Variants in TAFA5 observed in about 807,000 individuals in gnomAD.
TAFA5 encodes the protein TAFA chemokine like family member 5.
In TAFA5, 6 loss-of-function variants were observed where a neutral mutation model predicts 15.3. The observed-to-expected ratio is 0.39, with a 90% CI of 0.21 to 0.77. TAFA5 has a LOEUF of 0.77. Among genes scored for constraint, TAFA5 ranks in the 30% least tolerant of loss-of-function variants. TAFA5 has a pLI of 0.41. For synonymous variants in TAFA5, 103 were observed against 80.7 expected, an observed-to-expected ratio of 1.28 and a Z score of -1.48; for missense variants, 161 against 193.1, an observed-to-expected ratio of 0.83 and a Z score of 0.98.
chr22:48,535,469 G>T (rs1024803317), intron 1 of TAFA5, among the ~76,000 whole-genome samples: 1 of 152,276 alleles, frequency 6.6e-6, no homozygotes, highest in Non-Finnish European at 1.5e-5. Flanking sequence ...GTTGCTATAC[G>T]CATATGTGTA....
intron 3 of TAFA5, among the ~76,000 whole-genome samples, chr22:48,736,763 A>C (rs2147270788): frequency 6.6e-6 from 1 of 152,302 alleles, no homozygotes; most frequent in African/African-American, 2.4e-5. Context: ...GAGCCCAGTG[A>C]TGTGAAACTT....
At chr22:48,725,225 CTG>C (rs1929681859) in intron 3 of TAFA5, among the ~76,000 whole-genome samples, 1 of 152,250 alleles carries the variant, frequency 6.6e-6, no homozygotes, top group African/African-American at 2.4e-5. Flanking sequence ...CAGAGCGAGA[CTG>C]GAGACGAGCT....
At chr22:48,576,407 C>T (rs1310115383) in intron 1 of TAFA5, 34 of 1,246,036 alleles carry the variant, frequency 2.7e-5, no homozygotes, top group Admixed American at 4.1e-5. Flanking sequence ...AGGCTGCACC[C>T]GGCGGGGCGC....
intron 1 of TAFA5, among the ~76,000 whole-genome samples, chr22:48,500,109 G>A (rs948467629): frequency 2.6e-5 from 4 of 152,078 alleles, no homozygotes; most frequent in African/African-American, 9.7e-5. Flanking sequence ...CAGTTTTCCA[G>A]CCCGAAATTG....
intron 1 of TAFA5, among the ~76,000 whole-genome samples, chr22:48,516,772 G>A (rs761640504): frequency 4.6e-5 from 7 of 152,162 alleles, no homozygotes; most frequent in African/African-American, 7.2e-5. Flanking sequence ...GTTGGTGGCC[G>A]CAGCCCCCAG....
chr22:48,704,341 G>A (rs1437162903), intron 2 of TAFA5, among the ~76,000 whole-genome samples: 2 of 152,138 alleles, frequency 1.3e-5, no homozygotes, highest in Non-Finnish European at 2.9e-5. Context: ...GTGTTTGTGG[G>A]TGTCTGAGAT....
At chr22:48,707,596 G>T in intron 2 of TAFA5, 121 bp from the exon 3 acceptor site, 5 of 1,237,342 alleles carry the variant, frequency 4.0e-6, no homozygotes, top group Non-Finnish European at 4.5e-6. Context: ...TCCCTGGGTG[G>T]AGCCACGCCG....
At chr22:48,546,551 G>A (rs920391726) in intron 1 of TAFA5, 3 of 471,064 alleles carry the variant, frequency 6.4e-6, no homozygotes, top group African/African-American at 4.0e-5. Context: ...GAGAGATACG[G>A]ATGATGTGGA....
At chr22:48,708,775 C>A (rs541119184) in intron 3 of TAFA5, among the ~76,000 whole-genome samples, 1 of 152,330 alleles carries the variant, frequency 6.6e-6, no homozygotes, top group Non-Finnish European at 1.5e-5. Flanking sequence ...ATCTGGAAAG[C>A]CCCCTGGCAT....
intron 1 of TAFA5, among the ~76,000 whole-genome samples, chr22:48,542,151 G>A (rs1922411864): frequency 6.9e-6 from 1 of 144,490 alleles, no homozygotes; most frequent in African/African-American, 2.7e-5. Context: ...GTGTGTGTGG[G>A]TGTGGGGGGT....
chr22:48,490,277 C>T lies in TAFA5; in HGVS notation c.112+573C>T, dbSNP rs1195510756. Among the ~76,000 whole-genome samples the T allele has an allele frequency of 6.6e-6, 1 of 152,002 alleles. No individual in the cohort carries two copies. Among genetic ancestry groups the T allele is most frequent in the Admixed American group, 6.5e-5 (1 of 15,274 alleles). On this transcript the variant is annotated intron_variant, in intron 1 of 3. Transcript: ENST00000402357. This position sits in a 1 kb window ranked among gnomAD's most constrained non-coding sequence, Gnocchi z 5.8. ...AGAAGCGAAGTGAGGGATGGGATGC[C>T]CGGAGGGGGCTCGCCGCGGCCGCGG...
At chr22:48,607,944 G>C (rs1925255427) in intron 1 of TAFA5, among the ~76,000 whole-genome samples, 1 of 152,170 alleles carries the variant, frequency 6.6e-6, no homozygotes, top group Non-Finnish European at 1.5e-5. Context: ...TCCCTTTGGA[G>C]AAATTCTGCT....
intron 1 of TAFA5, among the ~76,000 whole-genome samples, chr22:48,532,527 C>T (rs1046950033): frequency 3.9e-5 from 6 of 152,180 alleles, no homozygotes; most frequent in South Asian, 2.1e-4. Flanking sequence ...GATCAGTCAA[C>T]GATTACGCAC....
At chr22:48,537,327 G>A (rs1367290089) in intron 1 of TAFA5, among the ~76,000 whole-genome samples, 8 of 152,336 alleles carry the variant, frequency 5.3e-5, no homozygotes, top group African/African-American at 9.6e-5. Flanking sequence ...GATCGTCATC[G>A]TCTGGGAGAG....
intron 3 of TAFA5, among the ~76,000 whole-genome samples, chr22:48,731,997 G>T (rs1418249315): frequency 6.6e-6 from 1 of 152,216 alleles, no homozygotes; most frequent in African/African-American, 2.4e-5. Context: ...AAGAGCATTT[G>T]TGATTCATGG....
At chr22:48,639,729 C>A (rs975577013) in intron 1 of TAFA5, among the ~76,000 whole-genome samples, 2 of 152,204 alleles carry the variant, frequency 1.3e-5, no homozygotes, top group South Asian at 4.1e-4. Context: ...GCCATCTCCC[C>A]TGTCAAAACT....
At chr22:48,594,178 G>A (rs1016784077) in intron 1 of TAFA5, among the ~76,000 whole-genome samples, 12 of 152,194 alleles carry the variant, frequency 7.9e-5, no homozygotes, top group African/African-American at 2.7e-4. Context: ...GGAAGCAGGC[G>A]GCTGCTCTTG....
chr22:48,717,981 A>AG (rs1929452984), intron 3 of TAFA5, among the ~76,000 whole-genome samples: 1 of 152,080 alleles, frequency 6.6e-6, no homozygotes, highest in African/African-American at 2.4e-5. Flanking sequence ...GTGGTGGGGG[A>AG]GGACACAGAG....
chr22:48,629,354 G>A (rs528555517), intron 1 of TAFA5, among the ~76,000 whole-genome samples: 6 of 152,276 alleles, frequency 3.9e-5, no homozygotes, highest in Admixed American at 1.3e-4. Context: ...TCCTGGCCTC[G>A]GCACCCCGGG....
Sources: allele counts gnomAD v4.1 joint callset (sites outside exome capture counted in the v4.1 genomes callset), GRCh38; gene constraint gnomAD v4.1.1; non-coding constraint Gnocchi (gnomAD v3.1); transcripts MANE v1.5; gene names NCBI Gene and HGNC (gene_info 2026-07-23, HGNC 2026-07-21).